The following TXNDC16 variants were observed in gnomAD, a reference collection of about 807,000 sequenced individuals.
TXNDC16 encodes the protein thioredoxin domain containing 16.
Under a neutral mutation model 85.6 loss-of-function variants are expected in TXNDC16, and 74 were observed. That is an observed-to-expected ratio of 0.86 (90% CI 0.72 to 1.05). The LOEUF is 1.05. TXNDC16 is among the 50% of genes least tolerant of loss of function. The probability of loss-of-function intolerance (pLI) is 0.00; values close to 1 mark genes in which losing one functional copy is unlikely to be tolerated. For synonymous variants in TXNDC16, 335 were observed against 326.5 expected, an observed-to-expected ratio of 1.03 and a Z score of -0.28; for missense variants, 959 against 947.0, an observed-to-expected ratio of 1.01 and a Z score of -0.17.
intron 2 of TXNDC16, among the ~76,000 whole-genome samples, chr14:52,543,976 T>A (rs1380779885): frequency 6.6e-6 from 1 of 152,118 alleles, no homozygotes; most frequent in Middle Eastern, 3.2e-3. Context: ...TAGTTGATTA[T>A]AAGAAATAAT....
intron 9 of TXNDC16, among the ~76,000 whole-genome samples, chr14:52,506,343 A>G (rs2036799646): frequency 6.6e-6 from 1 of 152,128 alleles, no homozygotes. Flanking sequence ...CTGGCAAACC[A>G]AATCCAGCAG....
intron 1 of TXNDC16, among the ~76,000 whole-genome samples, chr14:52,544,919 G>C (rs1277376781): frequency 2.0e-5 from 3 of 152,026 alleles, no homozygotes; most frequent in Admixed American, 2.0e-4. Flanking sequence ...CATTAAAATT[G>C]ATTATACATT....
intron 9 of TXNDC16, 118 bp from the exon 10 acceptor site, chr14:52,491,123 C>G: frequency 8.7e-7 from 1 of 1,143,746 alleles, no homozygotes; most frequent in East Asian, 2.7e-5. Flanking sequence ...AATAATCCAA[C>G]ACTAACAGAA....
Position 52,531,491 on chromosome 14 carries a change from T to C in TXNDC16, c.392+5228A>G, listed in dbSNP as rs146177327. 5.2e-3 allele frequency among the ~76,000 whole-genome samples: 784 copies of C among 152,194 alleles called. 7 individuals carry two copies. Among genetic ancestry groups the C allele is most frequent in the African/African-American group, 0.018 (749 of 41,514 alleles). ...GAATATTATTCAGTGATTTAAAAAATGAACTATCAAGCCATGAAAAGACAT... is the reference window on the plus strand; with the variant it reads ...GAATATTATTCAGTGATTTAAAAAACGAACTATCAAGCCATGAAAAGACAT... On this transcript the variant is annotated intron_variant, in intron 6 of 20. Transcript: ENST00000281741.
intron 6 of TXNDC16, among the ~76,000 whole-genome samples, chr14:52,529,574 TAA>T (rs1444956760): frequency 2.1e-5 from 2 of 93,030 alleles, no homozygotes; most frequent in Non-Finnish European, 3.9e-5. Context: ...CTATTATATA[TAA>T]TATATATAAT....
intron 14 of TXNDC16, among the ~76,000 whole-genome samples, chr14:52,479,421 C>T (rs2036095611): frequency 6.6e-6 from 1 of 152,092 alleles, no homozygotes; most frequent in African/African-American, 2.4e-5. Flanking sequence ...ACCCTAAAGA[C>T]TCATCCAGAA....
intron 6 of TXNDC16, among the ~76,000 whole-genome samples, chr14:52,527,712 G>A (rs2037370000): frequency 6.6e-6 from 1 of 152,072 alleles, no homozygotes; most frequent in Admixed American, 6.6e-5. Context: ...TGCTACTCTG[G>A]CTGCTGTTAT....
chr14:52,486,281 CTTTTT>C (rs35703912), intron 12 of TXNDC16, among the ~76,000 whole-genome samples: 2 of 114,386 alleles, frequency 1.7e-5, no homozygotes, highest in Non-Finnish European at 1.8e-5. Context: ...ACACATGCTG[CTTTTT>C]TTTTTTTTTT....
At chr14:52,502,759 C>G (rs1430980081) in intron 9 of TXNDC16, among the ~76,000 whole-genome samples, 1 of 152,136 alleles carries the variant, frequency 6.6e-6, no homozygotes, top group Non-Finnish European at 1.5e-5. Flanking sequence ...CCGAGCGTGA[C>G]CCGAAGCAGG....
intron 18 of TXNDC16, among the ~76,000 whole-genome samples, chr14:52,450,648 T>C (rs1468681281): frequency 2.0e-5 from 3 of 151,966 alleles, no homozygotes; most frequent in African/African-American, 4.8e-5. Flanking sequence ...GGGAACACTT[T>C]TACACTGCTG....
rs538803937 is a variant in TXNDC16, at chr14:52,549,778, CA to C, written c.-182+2537del. ...TCAGCCTCCCAAGTAGCTAGGACTA[CA>C]GGCGCCCGCCACCACACCTGGCTAA... On this transcript the variant is annotated intron_variant, in intron 1 of 20. Coordinates refer to ENST00000281741, the MANE Select transcript of TXNDC16 (RefSeq NM_020784.3). Among the ~76,000 whole-genome samples, 944 of 152,192 alleles carry C rather than the reference CA, an allele frequency of 6.2e-3. 6 individuals are homozygous for C. Among genetic ancestry groups the C allele is most frequent in the African/African-American group, 0.021 (876 of 41,508 alleles).
intron 20 of TXNDC16, among the ~76,000 whole-genome samples, 159 bp downstream of exon 20, chr14:52,439,045 A>G (rs1222988125): frequency 1.3e-5 from 2 of 152,168 alleles, no homozygotes; most frequent in Admixed American, 1.3e-4. Context: ...TCACTGACTG[A>G]AGCCTTGCAC....
In TXNDC16 at chr14:52,530,318, AATT is replaced by A. The variant is rs1402033155; in HGVS notation, c.392+6398_392+6400del. On this transcript the variant is annotated intron_variant, in intron 6 of 20. Transcript: ENST00000281741. ...TATATAATATTAATATATAATATAT[AATT>A]ATTTTTATATTATATATAATTATAT... Among the ~76,000 whole-genome samples the A allele has an allele frequency of 6.9e-4, 33 of 47,860 alleles. 1 individual carries two copies. Among genetic ancestry groups the A allele is most frequent in the Non-Finnish European group, 3.7e-4 (11 of 29,860 alleles). 31.4% of individuals were successfully genotyped at this position (47,860 alleles called of 152,430 possible). A position where few individuals can be genotyped will look rare whatever the true frequency, so the allele number is the denominator to read the frequency against.
In TXNDC16 at chr14:52,508,961, C is replaced by T. The variant is rs908350469; in HGVS notation, c.756+2279G>A. On this transcript the variant is annotated intron_variant, in intron 9 of 20. Coordinates refer to ENST00000281741, the MANE Select transcript of TXNDC16 (RefSeq NM_020784.3). ...AGGAGATATACCTAATGTTAAATGA[C>T]GAGTTAATGGGTGCAGCACACCAAC... Among the ~76,000 whole-genome samples, 6 of 152,062 alleles carry T rather than the reference C, an allele frequency of 3.9e-5. No individual in the cohort carries two copies. The East Asian group carries it at 7.7e-4, about 20-fold the overall frequency.
At chr14:52,510,313 AT>A in intron 9 of TXNDC16, among the ~76,000 whole-genome samples, 1 of 152,350 alleles carries the variant, frequency 6.6e-6, no homozygotes, top group East Asian at 1.9e-4. Flanking sequence ...TTTCAAAACC[AT>A]TTTAAACACT....
intron 7 of TXNDC16, among the ~76,000 whole-genome samples, chr14:52,515,765 C>G (rs1024550581): frequency 6.7e-6 from 1 of 148,594 alleles, no homozygotes; most frequent in African/African-American, 2.5e-5. Context: ...TGTTGACTTC[C>G]TACTGTGGAA....
rs2034896779 is a variant in TXNDC16, at chr14:52,431,606, C to T, written c.*698G>A. 1 of 152,168 alleles carries T rather than the reference C, an allele frequency of 6.6e-6. No individual in the cohort carries two copies. The highest frequency in any genetic ancestry group is 2.4e-5 in the African/African-American group (1 of 41,434). The allele number at this position is 152,168 out of a possible 1,614,324, so 9.4% of individuals were successfully genotyped here. ...CTCAGCCTTGGCACGACTACCATTT[C>T]GGGCAGGATAATTCTTTGTTGTGGG... On this transcript the variant is annotated 3_prime_UTR_variant, in exon 21 of 21. Transcript: ENST00000281741.
intron 14 of TXNDC16, among the ~76,000 whole-genome samples, chr14:52,471,742 C>T (rs1007819828): frequency 4.0e-5 from 6 of 151,788 alleles, no homozygotes; most frequent in African/African-American, 7.3e-5. Context: ...ACTTCAGATA[C>T]CTATCCTGTC....
intron 6 of TXNDC16, among the ~76,000 whole-genome samples, chr14:52,520,006 A>C (rs1056577179): frequency 1.3e-5 from 2 of 152,208 alleles, no homozygotes; most frequent in Admixed American, 6.5e-5. Context: ...AGGATTTTGC[A>C]TATTTTATCA....
Sources: gnomAD v4.1 joint callset for allele counts (sites outside exome capture counted in the v4.1 genomes callset) on GRCh38, gnomAD v4.1.1 for gene constraint, MANE v1.5 for transcripts, NCBI Gene and HGNC (gene_info 2026-07-23, HGNC 2026-07-21) for gene names.